Variants in ROBO2 observed in about 807,000 individuals in gnomAD.
ROBO2 encodes roundabout guidance receptor 2.
ROBO2 carries 53 observed loss-of-function variants against 160.8 expected under a neutral mutation model. The observed-to-expected ratio is 0.33, with a 90% CI of 0.26 to 0.41. The LOEUF (loss-of-function observed/expected upper bound fraction) is 0.41, where lower values mean the gene tolerates loss of function less well. Ranked by LOEUF, ROBO2 falls within the 10% of genes least tolerant of loss-of-function variation. The pLI, the probability that ROBO2 is intolerant of heterozygous loss-of-function variation, is 1.00. For missense variants in ROBO2, 1,577 were observed against 1,722.4 expected, an observed-to-expected ratio of 0.92 and a Z score of 1.49; for synonymous variants, 664 against 611.7, an observed-to-expected ratio of 1.09 and a Z score of -1.26.
chr3:77,635,519 C>T (rs976458792), intron 24 of ROBO2, among the ~76,000 whole-genome samples: 4 of 152,144 alleles, frequency 2.6e-5, no homozygotes, highest in African/African-American at 4.8e-5. Context: ...CTTAGTCTGT[C>T]TGGGCTGCTA....
chr3:77,433,400 A>G (rs896993224), intron 2 of ROBO2, among the ~76,000 whole-genome samples: 4 of 149,178 alleles, frequency 2.7e-5, no homozygotes, highest in East Asian at 2.0e-4. Flanking sequence ...TCACTCCTAG[A>G]TGACATCTAT....
intron 2 of ROBO2, among the ~76,000 whole-genome samples, chr3:76,311,717 G>A (rs577709660): frequency 6.6e-6 from 1 of 152,244 alleles, no homozygotes; most frequent in African/African-American, 2.4e-5. Flanking sequence ...GTTTTCCTTC[G>A]GAAGCCGCAT....
intron 2 of ROBO2, among the ~76,000 whole-genome samples, chr3:76,044,433 A>C (rs978204806): frequency 1.3e-5 from 2 of 152,020 alleles, no homozygotes; most frequent in Non-Finnish European, 2.9e-5. Flanking sequence ...TGGTCAGAAA[A>C]CACATGGTGA....
chr3:76,240,315 G>A (rs1357631511), intron 2 of ROBO2, among the ~76,000 whole-genome samples: 1 of 151,388 alleles, frequency 6.6e-6, no homozygotes, highest in Non-Finnish European at 1.5e-5. Context: ...AGTGTGTGAT[G>A]TTCCCTCCCT....
chr3:77,238,342 T>C lies in ROBO2; in HGVS notation c.388+140002T>C, dbSNP rs1374157361. ...CTAGATTTTCTCTTGTGCCGTTTTC[T>C]GGAAGTTTTATATTTTTATGTTTTA... On this transcript the variant is annotated intron_variant, in intron 2 of 25. Transcript: ENST00000461745. 9.2e-5 allele frequency among the ~76,000 whole-genome samples: 14 copies of C among 152,220 alleles called. 1 individual carries two copies. The highest frequency in any genetic ancestry group is 9.2e-4 in the Admixed American group (14 of 15,286).
intron 1 of ROBO2, among the ~76,000 whole-genome samples, chr3:77,086,827 A>C: frequency 6.6e-6 from 1 of 152,130 alleles, no homozygotes; most frequent in East Asian, 1.9e-4. Flanking sequence ...CTTATTTTCC[A>C]TCTGTCTTTT....
intron 2 of ROBO2, among the ~76,000 whole-genome samples, chr3:76,094,363 T>C (rs1345712439): frequency 2.0e-5 from 3 of 152,212 alleles, no homozygotes; most frequent in African/African-American, 7.2e-5. Context: ...CCAGCAAATC[T>C]TCCCAACAAC....
intron 1 of ROBO2, among the ~76,000 whole-genome samples, chr3:77,056,191 C>T (rs2065724614): frequency 6.6e-6 from 1 of 152,134 alleles, no homozygotes; most frequent in African/African-American, 2.4e-5. Context: ...TACAAAGATC[C>T]ACCACTGTGT....
intron 2 of ROBO2, among the ~76,000 whole-genome samples, chr3:76,325,037 G>A (rs1194614679): frequency 5.9e-5 from 9 of 152,134 alleles, no homozygotes; most frequent in South Asian, 4.1e-4. Context: ...CCCGGGAGGC[G>A]GAGCTTGCAG....
At chr3:77,169,703 T>C (rs1235093151) in intron 2 of ROBO2, among the ~76,000 whole-genome samples, 1 of 152,196 alleles carries the variant, frequency 6.6e-6, no homozygotes, top group Non-Finnish European at 1.5e-5. Context: ...ACTGCCTTGA[T>C]GTTTGCAATT....
At chr3:77,602,346 T>C in exon 20 of ROBO2, 2 of 1,614,118 alleles carry the variant, frequency 1.2e-6, no homozygotes, top group Non-Finnish European at 1.7e-6. Context: ...CTACCCCATA[T>C]GCCACGACAC....
intron 8 of ROBO2, among the ~76,000 whole-genome samples, chr3:77,551,719 G>A (rs2153654154): frequency 6.6e-6 from 1 of 152,004 alleles, no homozygotes; most frequent in African/African-American, 2.4e-5. Flanking sequence ...CTTTATTTGT[G>A]AGGATTTTTA....
chr3:76,341,224 CAG>C (rs1463118080), intron 2 of ROBO2, among the ~76,000 whole-genome samples: 1 of 150,568 alleles, frequency 6.6e-6, no homozygotes, highest in East Asian at 1.9e-4. Context: ...CTTCAAATCT[CAG>C]AGACTTACCT....
At chr3:77,280,104 A>G (rs2153369832) in intron 2 of ROBO2, among the ~76,000 whole-genome samples, 1 of 152,252 alleles carries the variant, frequency 6.6e-6, no homozygotes, top group East Asian at 1.9e-4. Flanking sequence ...CTGTTCTCCA[A>G]TACAAAGCAC....
intron 2 of ROBO2, among the ~76,000 whole-genome samples, chr3:76,408,091 G>A (rs184373871): frequency 6.6e-6 from 1 of 151,994 alleles, no homozygotes; most frequent in Non-Finnish European, 1.5e-5. Context: ...AATAAGACAG[G>A]CACTATCCCT....
intron 2 of ROBO2, among the ~76,000 whole-genome samples, chr3:76,668,545 G>A (rs188337773): frequency 5.8e-4 from 89 of 152,220 alleles, no homozygotes; most frequent in African/African-American, 2.1e-3. Flanking sequence ...CCAGAGATGG[G>A]CCAAGCAAAA....
intron 2 of ROBO2, among the ~76,000 whole-genome samples, chr3:76,692,456 A>C (rs796689648): frequency 3.9e-5 from 6 of 152,266 alleles, no homozygotes; most frequent in African/African-American, 1.4e-4. Flanking sequence ...CAAAGACAGG[A>C]TATAAGCAAT....
At chr3:77,386,634 G>T (rs1438462183) in intron 2 of ROBO2, among the ~76,000 whole-genome samples, 19 of 32,882 alleles carry the variant, frequency 5.8e-4, no homozygotes, top group African/African-American at 1.5e-3. Context: ...ATAGAGCCTC[G>T]CTCCGTCACC....
At chr3:77,604,491 T>G (rs959123374) in intron 20 of ROBO2, among the ~76,000 whole-genome samples, 1 of 152,156 alleles carries the variant, frequency 6.6e-6, no homozygotes, top group South Asian at 2.1e-4. Flanking sequence ...TTTGAGTAAC[T>G]GTAAGCAGAA....
Sources: allele counts gnomAD v4.1 joint callset (sites outside exome capture counted in the v4.1 genomes callset), GRCh38; gene constraint gnomAD v4.1.1; transcripts MANE v1.5; gene names NCBI Gene and HGNC (gene_info 2026-07-23, HGNC 2026-07-21).